The following RTTN variants were observed in gnomAD, a reference collection of about 807,000 sequenced individuals.
RTTN encodes the protein rotatin.
In RTTN, 182 loss-of-function variants were observed where a neutral mutation model predicts 269.2. That is an observed-to-expected ratio of 0.68 (90% CI 0.60 to 0.76). RTTN has a LOEUF of 0.76. Ranked by LOEUF, RTTN falls within the 30% of genes least tolerant of loss-of-function variation. The pLI, the probability that RTTN is intolerant of heterozygous loss-of-function variation, is 0.00. For synonymous variants in RTTN, 1,006 were observed against 963.5 expected, an observed-to-expected ratio of 1.04 and a Z score of -0.82; for missense variants, 2,545 against 2,608.6, an observed-to-expected ratio of 0.98 and a Z score of 0.53.
chr18:70,173,855 CAAATT>C (rs1302592145), intron 11 of RTTN, among the ~76,000 whole-genome samples: 6 of 152,072 alleles, frequency 3.9e-5, no homozygotes. Context: ...TAAAAGTTAA[CAAATT>C]AATGCTATAG....
At chr18:70,045,684 A>G (rs1377315060) in intron 40 of RTTN, among the ~76,000 whole-genome samples, 1 of 152,200 alleles carries the variant, frequency 6.6e-6, no homozygotes, top group Non-Finnish European at 1.5e-5. Context: ...TGAGTGTGCC[A>G]GGAGTATACT....
chr18:70,187,467 T>C (rs935536505), intron 10 of RTTN, among the ~76,000 whole-genome samples: 1 of 152,128 alleles, frequency 6.6e-6, no homozygotes, highest in African/African-American at 2.4e-5. Flanking sequence ...GAGAGGCATC[T>C]CTGAGCTACA....
Position 70,086,696 on chromosome 18 carries a change from A to T in RTTN, c.4303-12T>A, listed in dbSNP as rs1374129844. On this transcript the variant is annotated splice_polypyrimidine_tract_variant and intron_variant, in intron 31 of 48. Transcript: ENST00000640769. The stretch of plus-strand genomic sequence containing the variant: ...AGAATAAATGCCGCCTGAAAATGTA[A>T]AAAAAAAAAAAAAAAAAAAAAAAAA... 3.1e-4 allele frequency: 2 copies of T among 6,474 alleles called. No homozygotes were observed. Among genetic ancestry groups the T allele is most frequent in the African/African-American group, 1.2e-3 (2 of 1,630 alleles). 0.4% of individuals were successfully genotyped at this position (6,474 alleles called of 1,614,324 possible). A position where few individuals can be genotyped will look rare whatever the true frequency, so the allele number is the denominator to read the frequency against.
In RTTN at chr18:70,026,925, A is replaced by C. The variant is rs1790184117; in HGVS notation, c.5823+1799T>G. ...GGATGCCCCAAAGACTCTTGAGGCTAGCACGTGCAAGCATGAATATCGGGT... is the reference window on the plus strand; with the variant it reads ...GGATGCCCCAAAGACTCTTGAGGCTCGCACGTGCAAGCATGAATATCGGGT... On this transcript the variant is annotated intron_variant, in intron 43 of 48. Coordinates refer to ENST00000640769, the MANE Select transcript of RTTN (RefSeq NM_173630.4). Among the ~76,000 whole-genome samples, 3 of 152,286 alleles carry C rather than the reference A, an allele frequency of 2.0e-5. No homozygotes were observed. The South Asian group carries it at 6.2e-4, about 32-fold the overall frequency.
intron 28 of RTTN, among the ~76,000 whole-genome samples, chr18:70,102,035 G>A (rs958630239): frequency 1.3e-5 from 2 of 152,164 alleles, no homozygotes; most frequent in Admixed American, 6.6e-5. Flanking sequence ...ATGTGGTGCT[G>A]AGAAGAATGT....
In RTTN at chr18:70,202,967, C is replaced by CT. The variant is rs35542740; in HGVS notation, c.398-985dup. Among the ~76,000 whole-genome samples the CT allele has an allele frequency of 5.7e-3, 808 of 140,676 alleles. 2 individuals carry two copies. The highest frequency in any genetic ancestry group is 0.012 in the East Asian group (57 of 4,762). 92.3% of individuals were successfully genotyped at this position (140,676 alleles called of 152,430 possible). A position where few individuals can be genotyped will look rare whatever the true frequency, so the allele number is the denominator to read the frequency against. ...TGGTCTAACAGGTTAAGCATCAAAA[C>CT]TTTTTTTTTTTTTTTTTACTTTTAC... On this transcript the variant is annotated intron_variant, in intron 3 of 48. Coordinates refer to ENST00000640769, the MANE Select transcript of RTTN (RefSeq NM_173630.4).
intron 12 of RTTN, among the ~76,000 whole-genome samples, chr18:70,168,631 T>C (rs944514136): frequency 2.0e-5 from 3 of 152,166 alleles, no homozygotes; most frequent in African/African-American, 7.2e-5. Context: ...AAATCACTGA[T>C]GTTAGGAATA....
At chr18:70,144,561 C>T (rs1389986113) in intron 18 of RTTN, among the ~76,000 whole-genome samples, 1 of 152,132 alleles carries the variant, frequency 6.6e-6, no homozygotes, top group African/African-American at 2.4e-5. Flanking sequence ...ATCTTCCAGT[C>T]CTAACATGGA....
intron 14 of RTTN, among the ~76,000 whole-genome samples, chr18:70,158,343 G>C (rs1349002952): frequency 1.3e-5 from 2 of 152,110 alleles, no homozygotes; most frequent in African/African-American, 4.8e-5. Context: ...ATCCAGCCAA[G>C]CTAAGCTTCA....
chr18:70,122,490 C>G (rs1568418787), intron 25 of RTTN, among the ~76,000 whole-genome samples: 1 of 152,098 alleles, frequency 6.6e-6, no homozygotes, highest in Non-Finnish European at 1.5e-5. Flanking sequence ...GGAGCACCAA[C>G]CTTGTGCCAG....
At chr18:70,157,529 T>C (rs1254894808) in intron 14 of RTTN, among the ~76,000 whole-genome samples, 1 of 152,170 alleles carries the variant, frequency 6.6e-6, no homozygotes, top group Non-Finnish European at 1.5e-5. Flanking sequence ...AAAAAAACAG[T>C]GTAAGAATTC....
At chr18:70,166,691 C>A (rs1319224563) in intron 13 of RTTN, 3 of 383,518 alleles carry the variant, frequency 7.8e-6, no homozygotes, top group Non-Finnish European at 1.4e-5. Flanking sequence ...AAGGATTATT[C>A]ATTTTGATTG....
chr18:70,162,580 G>A (rs2060860212), intron 14 of RTTN, among the ~76,000 whole-genome samples: 1 of 152,116 alleles, frequency 6.6e-6, no homozygotes, highest in East Asian at 1.9e-4. Flanking sequence ...AAAACCATCA[G>A]ATCTCATGAG....
intron 35 of RTTN, among the ~76,000 whole-genome samples, chr18:70,065,024 T>C (rs1346270671): frequency 2.0e-5 from 3 of 152,124 alleles, no homozygotes; most frequent in African/African-American, 7.2e-5. Flanking sequence ...AATAATTTTA[T>C]ATATAGTGAA....
intron 25 of RTTN, among the ~76,000 whole-genome samples, chr18:70,122,017 C>A (rs2059751039): frequency 6.6e-6 from 1 of 152,046 alleles, no homozygotes; most frequent in Non-Finnish European, 1.5e-5. Flanking sequence ...AATAACCGCC[C>A]AGTGAAACTT....
intron 43 of RTTN, among the ~76,000 whole-genome samples, chr18:70,027,855 G>A (rs999450938): frequency 3.3e-5 from 5 of 151,788 alleles, no homozygotes; most frequent in South Asian, 2.1e-4. Context: ...TTTTAACATC[G>A]CTTAAGGAGT....
rs796623160 is a variant in RTTN at position 70,157,311 on chromosome 18, TCAGTGCACCCC to T, written c.1930-6589_1930-6579del. ...CCAGAAATCAAAGCCACTGGCCTGTTCAGTGCACCCCCAGGGTTAGAGCACACAGCCCAGGG... is the reference window on the plus strand; with the variant it reads ...CCAGAAATCAAAGCCACTGGCCTGTTCAGGGTTAGAGCACACAGCCCAGGG... On this transcript the variant is annotated intron_variant, in intron 14 of 48. Transcript: ENST00000640769. Among the ~76,000 whole-genome samples the T allele has an allele frequency of 7.2e-5, 11 of 152,308 alleles. No individual in the cohort carries two copies. The South Asian group carries it at 1.0e-3, about 14-fold the overall frequency.
chr18:70,164,803 A>G (rs554042453), intron 14 of RTTN, among the ~76,000 whole-genome samples: 3 of 152,234 alleles, frequency 2.0e-5, no homozygotes, highest in Non-Finnish European at 4.4e-5. Context: ...AGGCAGATGG[A>G]GTGTTCAAAG....
intron 17 of RTTN, 49 bp downstream of exon 17, chr18:70,148,852 A>G: frequency 6.2e-7 from 1 of 1,604,434 alleles, no homozygotes; most frequent in Non-Finnish European, 8.5e-7. Flanking sequence ...ATACTTTCTT[A>G]GCATGTTTCC....
Sources: gnomAD v4.1 joint callset for allele counts (sites outside exome capture counted in the v4.1 genomes callset) on GRCh38, gnomAD v4.1.1 for gene constraint, MANE v1.5 for transcripts, NCBI Gene and HGNC (gene_info 2026-07-23, HGNC 2026-07-21) for gene names.